CTNNA2: variants seen among roughly 807,000 people sequenced by gnomAD.
CTNNA2 encodes catenin alpha 2, also known as catenin alpha-2.
A neutral mutation model predicts 101.0 loss-of-function variants in CTNNA2; 42 were observed. That is an observed-to-expected ratio of 0.42 (90% CI 0.32 to 0.54). CTNNA2 has a LOEUF of 0.54. CTNNA2 is among the 20% of genes least tolerant of loss of function. The pLI is 0.14. For missense variants in CTNNA2, 871 were observed against 1,223.1 expected (o/e 0.71, Z 4.29); for synonymous variants, 450 against 456.4 (o/e 0.99, Z 0.18).
At chr2:80,315,536 T>C (rs532862460) in intron 7 of CTNNA2, among the ~76,000 whole-genome samples, 23 of 152,292 alleles carry the variant, frequency 1.5e-4, no homozygotes, top group Admixed American at 1.2e-3. Flanking sequence ...CTCCCGCATG[T>C]CGTCTCATCC....
chr2:79,937,143 A>C (rs1370241857), intron 7 of CTNNA2, among the ~76,000 whole-genome samples: 3 of 152,170 alleles, frequency 2.0e-5, no homozygotes, highest in African/African-American at 4.8e-5. Context: ...ATTTCTTGTC[A>C]TTTCTACTTA....
chr2:79,295,993 C>A (rs1675971220), intron 2 of CTNNA2, among the ~76,000 whole-genome samples: 1 of 96,932 alleles, frequency 1.0e-5, no homozygotes, highest in South Asian at 2.7e-4. Context: ...AACAAAATTT[C>A]CAAAGGCAGA....
chr2:80,317,108 A>G (rs935288738), intron 7 of CTNNA2, among the ~76,000 whole-genome samples: 1 of 152,092 alleles, frequency 6.6e-6, no homozygotes, highest in Non-Finnish European at 1.5e-5. Flanking sequence ...CAGACACTAA[A>G]CCAGACCTGG....
chr2:80,313,578 G>A (rs762491795), intron 7 of CTNNA2: 4 of 1,611,258 alleles, frequency 2.5e-6, no homozygotes, highest in East Asian at 2.2e-5. Flanking sequence ...GGATGGAGAA[G>A]GCCACTCCAG....
At chr2:80,325,900 G>A (rs149380506) in intron 7 of CTNNA2, among the ~76,000 whole-genome samples, 4 of 152,270 alleles carry the variant, frequency 2.6e-5, no homozygotes, top group African/African-American at 9.6e-5. Context: ...TAAAGTGATT[G>A]GTTTATGGTT....
chr2:79,684,143 G>A (rs1418359904), intron 2 of CTNNA2, among the ~76,000 whole-genome samples: 1 of 152,182 alleles, frequency 6.6e-6, no homozygotes, highest in Non-Finnish European at 1.5e-5. Flanking sequence ...ACCTGTGGCT[G>A]TGCGCAACTG....
At chr2:79,583,488 T>C (rs1230515513) in intron 1 of CTNNA2, among the ~76,000 whole-genome samples, 1 of 152,052 alleles carries the variant, frequency 6.6e-6, no homozygotes, top group African/African-American at 2.4e-5. Context: ...GATATATATA[T>C]ATGTTTTTGT....
chr2:80,585,724 G>A (rs1695919622), intron 14 of CTNNA2, among the ~76,000 whole-genome samples: 1 of 152,108 alleles, frequency 6.6e-6, no homozygotes, highest in South Asian at 2.1e-4. Context: ...TAAAACTCAT[G>A]TGTTGAATTC....
At chr2:80,037,925 G>T (rs112378588) in intron 7 of CTNNA2, among the ~76,000 whole-genome samples, 9 of 152,168 alleles carry the variant, frequency 5.9e-5, no homozygotes, top group Non-Finnish European at 1.0e-4. Context: ...TTAGAATGAT[G>T]TGTGAAATAT....
At chr2:79,592,949 A>G (rs1011152998) in intron 1 of CTNNA2, among the ~76,000 whole-genome samples, 4 of 152,316 alleles carry the variant, frequency 2.6e-5, no homozygotes, top group African/African-American at 9.6e-5. Flanking sequence ...TATTTGTTTA[A>G]TACACAACAA....
intron 4 of CTNNA2, among the ~76,000 whole-genome samples, chr2:79,460,765 C>A (rs557112950): frequency 1.3e-5 from 2 of 152,176 alleles, no homozygotes; most frequent in Admixed American, 1.3e-4. Context: ...ACACTACATA[C>A]ACCAGGAACA....
Position 80,049,958 on chromosome 2 carries a change from G to A in CTNNA2, c.1056+140161G>A, listed in dbSNP as rs185611288. On this transcript the variant is annotated intron_variant, in intron 7 of 18. Coordinates refer to ENST00000402739, the MANE Select transcript of CTNNA2 (RefSeq NM_001282597.3). ...AACCTGCTGAGGGGTTTTGGCTTGC[G>A]GCCTATAGGACTCTCAGTCACCTGC... Among the ~76,000 whole-genome samples the A allele has an allele frequency of 2.0e-3, 311 of 152,146 alleles. 1 individual carries two copies. The highest frequency in any genetic ancestry group is 7.1e-3 in the African/African-American group (293 of 41,508).
chr2:79,562,872 GGT>G (rs1329190600), intron 1 of CTNNA2, among the ~76,000 whole-genome samples: 1 of 151,436 alleles, frequency 6.6e-6, no homozygotes, highest in Non-Finnish European at 1.5e-5. Context: ...GCTAAACTTG[GGT>G]GTGTGTGTGT....
intron 2 of CTNNA2, among the ~76,000 whole-genome samples, chr2:79,224,482 C>A (rs1156369921): frequency 6.6e-6 from 1 of 152,152 alleles, no homozygotes; most frequent in Admixed American, 6.5e-5. Context: ...ACTCTATTAT[C>A]CATCAACCCA....
At chr2:80,307,079 C>A (rs772010226) in intron 7 of CTNNA2, among the ~76,000 whole-genome samples, 1 of 148,768 alleles carries the variant, frequency 6.7e-6, no homozygotes, top group African/African-American at 2.5e-5. Flanking sequence ...TATATATTTT[C>A]TATATATTGC....
intron 3 of CTNNA2, among the ~76,000 whole-genome samples, chr2:79,781,141 T>C (rs1674390786): frequency 6.6e-6 from 1 of 152,212 alleles, no homozygotes; most frequent in African/African-American, 2.4e-5. Flanking sequence ...TGGTTGTTTC[T>C]TGATTATATG....
At chr2:79,880,910 TA>T (rs1445972902) in intron 6 of CTNNA2, among the ~76,000 whole-genome samples, 4 of 152,180 alleles carry the variant, frequency 2.6e-5, no homozygotes, top group African/African-American at 4.8e-5. Context: ...ATTGTGATGT[TA>T]GTGTGTCGAC....
intron 3 of CTNNA2, among the ~76,000 whole-genome samples, chr2:79,313,451 A>G (rs149672727): frequency 1.4e-3 from 213 of 152,304 alleles, no homozygotes; most frequent in African/African-American, 4.8e-3. Flanking sequence ...ATACTGGTAT[A>G]GTTACTATTT....
intron 2 of CTNNA2, among the ~76,000 whole-genome samples, chr2:79,736,408 A>T (rs1192884601): frequency 3.3e-5 from 5 of 152,220 alleles, no homozygotes; most frequent in Admixed American, 2.6e-4. Flanking sequence ...TTGATGTATT[A>T]CTTGGCAGTT....
Sources: gnomAD v4.1 joint callset for allele counts (sites outside exome capture counted in the v4.1 genomes callset) on GRCh38, gnomAD v4.1.1 for gene constraint, MANE v1.5 for transcripts, NCBI Gene and HGNC (gene_info 2026-07-23, HGNC 2026-07-21) for gene names.